The following COL5A3 variants were observed in gnomAD, a reference collection of about 807,000 sequenced individuals.
COL5A3 encodes collagen type V alpha 3 chain.
A neutral mutation model predicts 250.0 loss-of-function variants in COL5A3; 172 were observed. That is an observed-to-expected ratio of 0.69 (90% CI 0.61 to 0.78). COL5A3 has a LOEUF of 0.78. Ranked by LOEUF, COL5A3 falls within the 30% of genes least tolerant of loss-of-function variation. The pLI, the probability that COL5A3 is intolerant of heterozygous loss-of-function variation, is 0.00. For synonymous variants in COL5A3, 937 were observed against 900.4 expected (o/e 1.04, Z -0.73); for missense variants, 2,340 against 2,334.4 (o/e 1.00, Z -0.05).
rs563019680 is a variant in COL5A3 at position 9,975,969 on chromosome 19, G to T, written c.3342+589C>A. ...ATTGAGGGGAAGACACGGTTGGGTC[G>T]GGATTGAATCAGATTCTGGGGGTGA... On this transcript the variant is annotated intron_variant, in intron 45 of 66. Transcript: ENST00000264828. 1.7e-4 allele frequency among the ~76,000 whole-genome samples: 26 copies of T among 151,848 alleles called. No homozygotes were observed. In the South Asian group the frequency reaches 5.4e-3, roughly 32 times the overall value.
chr19:9,968,738 G>GAGCA lies in COL5A3; in HGVS notation c.4153-14_4153-11dup, dbSNP rs775412246. On this transcript the variant is annotated splice_polypyrimidine_tract_variant and intron_variant, in intron 57 of 66. Coordinates refer to ENST00000264828, the MANE Select transcript of COL5A3 (RefSeq NM_015719.4). The surrounding 1 kb of genome is among the most constrained non-coding windows in gnomAD (Gnocchi z 4.1). ...GGAGGCCAGAGGGCCCCTGGGAGAA[G>GAGCA]AGCAAGGGTCAGTTAGGGATTCTCA... is the stretch of plus-strand genomic sequence containing the variant. The GAGCA allele has an allele frequency of 1.2e-6, 2 of 1,607,294 alleles. No homozygotes were observed. The highest frequency in any genetic ancestry group is 1.7e-6 in the Non-Finnish European group (2 of 1,177,582).
chr19:9,973,525 G>T (rs756578643), intron 50 of COL5A3, 45 bp downstream of exon 50: 13 of 1,585,440 alleles, frequency 8.2e-6, no homozygotes, highest in Non-Finnish European at 1.1e-5. Flanking sequence ...AGGGGTCAGG[G>T]GTTCCCTGAG....
Position 9,960,336 on chromosome 19 carries a change from G to A in COL5A3, c.*75C>T, listed in dbSNP as rs539576929. On this transcript the variant is annotated 3_prime_UTR_variant, in exon 67 of 67. Transcript: ENST00000264828. ...CATAGTCACAGGTAACGAAAAATAC[G>A]GTGGCTTCAAAGCCTCAGCACCAAA... 7.0e-5 allele frequency: 109 copies of A among 1,567,696 alleles called. No individual in the cohort carries two copies. Among genetic ancestry groups the A allele is most frequent in the Non-Finnish European group, 8.7e-5 (100 of 1,145,362 alleles).
At position 10,001,541 on chromosome 19, in the gene COL5A3, G is replaced by A; in HGVS notation, c.1093C>T (p.Gln365Ter). The change falls in exon 8 of 67, where the codon CAG becomes TAG. Residue 365 changes from glutamine (Q) to a stop codon, truncating the protein, a stop_gained. Coordinates refer to ENST00000264828, the MANE Select transcript of COL5A3 (RefSeq NM_015719.4). LOFTEE classifies it high-confidence loss of function. ...FRAAEYPSRT[Q>*]FQIFPGAGEK... ...AAACTCACAGGAAAGATCTGGAACT[G>A]AGTCCGAGATGGATATTCTGCTGCC... The A allele has an allele frequency of 6.2e-7, 1 of 1,614,114 alleles. No homozygotes were observed. Among genetic ancestry groups the A allele is most frequent in the African/African-American group, 1.3e-5 (1 of 75,016 alleles).
intron 31 of COL5A3, among the ~76,000 whole-genome samples, chr19:9,982,852 T>C (rs944789564): frequency 6.6e-6 from 1 of 152,090 alleles, no homozygotes; most frequent in African/African-American, 2.4e-5. Context: ...CTATACTCTT[T>C]TTTTGTTTGT....
intron 31 of COL5A3, among the ~76,000 whole-genome samples, chr19:9,983,924 A>C (rs993618714): frequency 1.3e-5 from 2 of 151,594 alleles, no homozygotes; most frequent in South Asian, 2.1e-4. Flanking sequence ...AAAAAAAAAA[A>C]ACCACTGTCA....
chr19:9,994,170 A>AT (rs140091619), intron 16 of COL5A3, among the ~76,000 whole-genome samples: 18,377 of 150,298 alleles, frequency 0.12, 1,583 homozygotes, highest in African/African-American at 0.25. Context: ...CTAAGATATT[A>AT]TTTTTTTTAA....
chr19:9,996,762 C>A, intron 11 of COL5A3, 73 bp from the exon 12 acceptor site: 2 of 1,165,760 alleles, frequency 1.7e-6, no homozygotes, highest in Non-Finnish European at 2.4e-6. Context: ...AGGGGAGGCA[C>A]AGAAGGATGA....
chr19:9,997,427 C>A lies in COL5A3; in HGVS notation c.1207G>T (p.Val403Phe), dbSNP rs2087289096. 6 of 1,605,482 alleles carry A rather than the reference C, an allele frequency of 3.7e-6. No homozygotes were observed. Among genetic ancestry groups the A allele is most frequent in the Non-Finnish European group, 3.4e-6 (4 of 1,176,554 alleles). ...GGGCCGGGAGGGCCTGAGGGGCCAA[C>A]CACCCCCTGTTGGGGACAGAGAAAC... is the stretch of plus-strand genomic sequence containing the variant. ...PPGAPGPQGV[V>F]GPSGPPGPPG... is the part of the protein sequence containing the mutation. The change falls in exon 11 of 67, where the codon GTT becomes TTT. Residue 403 changes from valine (V) to phenylalanine (F), a missense_variant. Val to Phe is a conservative substitution (Grantham distance 50). Transcript: ENST00000264828.
At chr19:9,998,919 G>A (rs901970458) in intron 8 of COL5A3, among the ~76,000 whole-genome samples, 6 of 151,870 alleles carry the variant, frequency 4.0e-5, no homozygotes, top group African/African-American at 1.4e-4. Flanking sequence ...TCCTGACTTA[G>A]GTGATCCACC....
intron 51 of COL5A3, among the ~76,000 whole-genome samples, chr19:9,971,598 C>T (rs895668960): frequency 2.0e-5 from 3 of 151,908 alleles, no homozygotes; most frequent in Non-Finnish European, 4.4e-5. Context: ...TCCATTCATT[C>T]ATACACTCAG....
intron 53 of COL5A3, 103 bp downstream of exon 53, chr19:9,970,872 G>A: frequency 8.5e-7 from 1 of 1,177,230 alleles, no homozygotes; most frequent in Non-Finnish European, 1.2e-6. Flanking sequence ...ATCTGCAGGG[G>A]CCTTGGGTAC....
chr19:9,962,770 G>T (rs1216440923), intron 65 of COL5A3, 49 bp downstream of exon 65: 2 of 1,464,816 alleles, frequency 1.4e-6, no homozygotes, highest in Non-Finnish European at 9.5e-7. Context: ...CCCCCTGCTG[G>T]TTCCCATCAA....
At position 9,987,306 on chromosome 19, in the gene COL5A3, A is replaced by G. The variant is rs190863462; in HGVS notation, c.2146-548T>C. Among the ~76,000 whole-genome samples, 6 of 152,326 alleles carry G rather than the reference A, an allele frequency of 3.9e-5. 1 individual carries two copies. The highest frequency in any genetic ancestry group is 1.3e-4 in the Admixed American group (2 of 15,300). ...ATGTGGTTAGTCTCCAGCTACAGAC[A>G]AATTCACTTGATCACAATGTAACTG... On this transcript the variant is annotated intron_variant, in intron 27 of 66. Transcript: ENST00000264828.
At chr19:9,966,796 G>C (rs1380369049) in intron 62 of COL5A3, 50 bp from the exon 63 acceptor site, 2 of 1,393,942 alleles carry the variant, frequency 1.4e-6, no homozygotes, top group Non-Finnish European at 1.9e-6. Context: ...GGGGGAGGGA[G>C]AGAGAGGGAG....
chr19:9,973,784 A>T lies in COL5A3; in HGVS notation c.3584T>A (p.Val1195Asp), dbSNP rs62638750. The part of the protein sequence containing the change: ...SEGTPGLPGG[V>D]GQPGAVGEKG... ...CTCACCCACGGCGCCTGGCTGACCA[A>T]CTCCTCCAGGCAGCCCTGGAGTGCC... Residue 1195 changes from valine to aspartate, a missense_variant, in exon 49 of 67, where the codon GTT (valine) becomes GAT (aspartate). By Grantham distance (152) the Val-to-Asp change is radical. Around this residue, in one of 3 missense-constraint regions of COL5A3, gnomAD observed 1,179 missense variants for 1,162.6 expected, o/e 1.01. Coordinates refer to ENST00000264828, the MANE Select transcript of COL5A3 (RefSeq NM_015719.4). 1.2e-6 allele frequency: 2 copies of T among 1,613,618 alleles called. No homozygotes were observed. The highest frequency in any genetic ancestry group is 1.3e-5 in the African/African-American group (1 of 74,846).
At chr19:9,992,119 A>C in intron 21 of COL5A3, 71 bp from the exon 22 acceptor site, 1 of 1,371,974 alleles carries the variant, frequency 7.3e-7, no homozygotes, top group East Asian at 2.3e-5. Context: ...ACACCGAGAG[A>C]TGCAGGTGGA....
intron 27 of COL5A3, among the ~76,000 whole-genome samples, chr19:9,987,780 G>A (rs565747258): frequency 6.6e-6 from 1 of 151,844 alleles, no homozygotes; most frequent in Non-Finnish European, 1.5e-5. Context: ...ATAATCAAAT[G>A]AAAAAACTGC....
At chr19:9,990,433 T>C (rs142013643) in intron 24 of COL5A3, among the ~76,000 whole-genome samples, 15,511 of 151,244 alleles carry the variant, frequency 0.1, 1,576 homozygotes, top group African/African-American at 0.24. Context: ...CTGGATTGTT[T>C]GTAACACAAA....
Sources: gnomAD v4.1 joint callset for allele counts (sites outside exome capture counted in the v4.1 genomes callset) on GRCh38, gnomAD v4.1.1 for gene constraint, gnomAD v4.1.1 regional missense constraint, Gnocchi (gnomAD v3.1) non-coding constraint, MANE v1.5 for transcripts, NCBI Gene and HGNC (gene_info 2026-07-23, HGNC 2026-07-21) for gene names.